LINGO2: variants seen among roughly 807,000 people sequenced by gnomAD.
LINGO2 encodes the protein leucine rich repeat and Ig domain containing 2, also known as leucine-rich repeat and immunoglobulin-like domain-containing nogo receptor-interacting protein 2.
A neutral mutation model predicts 30.6 loss-of-function variants in LINGO2; 14 were observed. The ratio of observed to expected loss-of-function variants is 0.46; its 90% CI spans 0.30 to 0.72. The LOEUF (loss-of-function observed/expected upper bound fraction) is 0.72. LINGO2 is among the 30% of genes least tolerant of loss of function. The pLI is 0.07. For missense variants in LINGO2, 729 were observed against 751.7 expected (o/e 0.97, Z 0.35); for synonymous variants, 317 against 288.5 (o/e 1.10, Z -1.00).
At chr9:28,848,271 AC>A in the LINGO2 span, among the ~76,000 whole-genome samples, 46 of 97,340 alleles carry the variant, frequency 4.7e-4, no homozygotes, top group Non-Finnish European at 6.4e-4. Flanking sequence ...GTGTATATAT[AC>A]TATATATACA....
chr9:28,346,054 C>A (rs1240631309), intron 3 of LINGO2, among the ~76,000 whole-genome samples: 1 of 152,114 alleles, frequency 6.6e-6, no homozygotes, highest in Non-Finnish European at 1.5e-5. Flanking sequence ...GAAACAAAGA[C>A]CATCATTTAA....
chr9:28,045,553 G>T (rs1260674271), intron 4 of LINGO2, among the ~76,000 whole-genome samples: 1 of 152,180 alleles, frequency 6.6e-6, no homozygotes, highest in African/African-American at 2.4e-5. Context: ...TGAGAGAAAA[G>T]ATTGAGAATT....
At chr9:28,212,016 C>T (rs1820610676) in intron 4 of LINGO2, among the ~76,000 whole-genome samples, 1 of 151,260 alleles carries the variant, frequency 6.6e-6, no homozygotes, top group African/African-American at 2.4e-5. Context: ...TGGAGTTTAG[C>T]TGGTTTCTAC....
the LINGO2 span, among the ~76,000 whole-genome samples, chr9:28,823,296 C>T: frequency 3.9e-5 from 6 of 152,132 alleles, no homozygotes; most frequent in East Asian, 9.6e-4. Context: ...CAGTGGGCCA[C>T]TAAATGGACA....
At chr9:28,515,727 T>A (rs1448951409) in intron 1 of LINGO2, among the ~76,000 whole-genome samples, 1 of 152,204 alleles carries the variant, frequency 6.6e-6, no homozygotes. Context: ...TTGGGAACAT[T>A]GTTGAAATGA....
At chr9:29,101,614 G>T in the LINGO2 span, among the ~76,000 whole-genome samples, 1 of 151,920 alleles carries the variant, frequency 6.6e-6, no homozygotes, top group Non-Finnish European at 1.5e-5. Context: ...CTATATCCAC[G>T]AGTTCAACTG....
At chr9:29,092,205 A>T in the LINGO2 span, among the ~76,000 whole-genome samples, 14 of 151,978 alleles carry the variant, frequency 9.2e-5, no homozygotes, top group African/African-American at 2.9e-4. Context: ...AGACAGACTG[A>T]GCAATATATC....
intron 4 of LINGO2, among the ~76,000 whole-genome samples, chr9:28,056,097 G>A (rs113711658): frequency 0.013 from 1,911 of 152,294 alleles, 39 homozygotes; most frequent in African/African-American, 0.043. Context: ...CTTTCAGTGA[G>A]CAAAGGCAAC....
chr9:28,061,198 A>G (rs1825132884), intron 4 of LINGO2, among the ~76,000 whole-genome samples: 1 of 149,006 alleles, frequency 6.7e-6, no homozygotes, highest in African/African-American at 2.5e-5. Context: ...GGCATCTAGT[A>G]TGTTTCTTAA....
chr9:28,641,925 G>A (rs943416362), intron 1 of LINGO2, among the ~76,000 whole-genome samples: 2 of 151,876 alleles, frequency 1.3e-5, no homozygotes, highest in African/African-American at 4.8e-5. Context: ...GTTCCAGAAT[G>A]TTCTTCTTGT....
chr9:28,613,440 C>T (rs939614005), intron 1 of LINGO2, among the ~76,000 whole-genome samples: 15 of 150,828 alleles, frequency 9.9e-5, no homozygotes, highest in Non-Finnish European at 2.1e-4. Context: ...TATATATTTG[C>T]CTATATATAC....
chr9:28,020,571 C>CA (rs772117915), intron 4 of LINGO2, among the ~76,000 whole-genome samples: 1,065 of 102,368 alleles, frequency 0.01, 10 homozygotes, highest in South Asian at 0.034. Context: ...CAAAACAAAA[C>CA]AAACAAAACA....
intron 4 of LINGO2, among the ~76,000 whole-genome samples, chr9:28,199,047 C>A (rs190174999): frequency 4.1e-4 from 62 of 152,266 alleles, no homozygotes; most frequent in East Asian, 1.7e-3. Flanking sequence ...CCATGTACAT[C>A]TTGAAAAAGT....
At chr9:28,427,779 C>T (rs577571229) in intron 2 of LINGO2, among the ~76,000 whole-genome samples, 1 of 152,152 alleles carries the variant, frequency 6.6e-6, no homozygotes, top group African/African-American at 2.4e-5. Context: ...AAAAGCTGTG[C>T]CAGGAAACAT....
At chr9:28,053,543 G>A (rs1824775643) in intron 4 of LINGO2, among the ~76,000 whole-genome samples, 1 of 151,978 alleles carries the variant, frequency 6.6e-6, no homozygotes, top group African/African-American at 2.4e-5. Flanking sequence ...TTCTTTCCCG[G>A]GATATCAGCT....
the LINGO2 span, among the ~76,000 whole-genome samples, chr9:29,069,152 G>C: frequency 2.0e-5 from 3 of 151,826 alleles, no homozygotes; most frequent in Non-Finnish European, 4.4e-5. Context: ...AAAACAATAA[G>C]TTTAAGTGAA....
intron 4 of LINGO2, among the ~76,000 whole-genome samples, chr9:28,121,510 C>T (rs1255327716): frequency 1.3e-5 from 2 of 152,032 alleles, no homozygotes; most frequent in Non-Finnish European, 2.9e-5. Flanking sequence ...GGTAGCACTC[C>T]CATGGAACCT....
At position 28,178,244 on chromosome 9, in the gene LINGO2, T is replaced by C. The variant is rs1225484476; in HGVS notation, c.-87+116964A>G. On this transcript the variant is annotated intron_variant, in intron 4 of 5. Transcript: ENST00000379992. ...CAGCTCCCACAGTGTTGTGATAAAA[T>C]TTAAATTGTGACTTAGAGACGGTAG... is the stretch of plus-strand genomic sequence containing the variant. Among the ~76,000 whole-genome samples the C allele has an allele frequency of 2.0e-5, 3 of 152,126 alleles. No individual in the cohort carries two copies. The East Asian group carries it at 5.8e-4, about 29-fold the overall frequency.
chr9:28,715,073 A>T, the LINGO2 span, among the ~76,000 whole-genome samples: 1 of 152,112 alleles, frequency 6.6e-6, no homozygotes, highest in Admixed American at 6.6e-5. Flanking sequence ...GCATACTGTA[A>T]CCTGACTAAA....
Sources: allele counts gnomAD v4.1 joint callset (sites outside exome capture counted in the v4.1 genomes callset), GRCh38; gene constraint gnomAD v4.1.1; transcripts MANE v1.5; gene names NCBI Gene and HGNC (gene_info 2026-07-23, HGNC 2026-07-21).